ST6GAL2: variants seen among roughly 807,000 people sequenced by gnomAD.
ST6GAL2 encodes beta-galactoside alpha-2,6-sialyltransferase 2.
In ST6GAL2, 24 loss-of-function variants were observed where a neutral mutation model predicts 37.5. The ratio of observed to expected loss-of-function variants is 0.64; its 90% confidence interval spans 0.46 to 0.90. ST6GAL2 has a LOEUF of 0.90. Ranked by LOEUF, ST6GAL2 falls within the 40% of genes least tolerant of loss-of-function variation. The probability of loss-of-function intolerance (pLI) is 0.00; values close to 1 mark genes in which losing one functional copy is unlikely to be tolerated. For synonymous variants in ST6GAL2, 306 were observed against 295.1 expected (o/e 1.04, Z -0.38); for missense variants, 715 against 712.7 (o/e 1.00, Z -0.04).
At chr2:106,861,002 C>T (rs1047194898) in intron 1 of ST6GAL2, among the ~76,000 whole-genome samples, 1 of 152,206 alleles carries the variant, frequency 6.6e-6, no homozygotes, top group Non-Finnish European at 1.5e-5. Flanking sequence ...ACTTAGGAGG[C>T]ACCCCCGCCA....
chr2:106,845,323 G>C (rs1474685179), intron 1 of ST6GAL2, among the ~76,000 whole-genome samples: 1 of 152,148 alleles, frequency 6.6e-6, no homozygotes, highest in East Asian at 1.9e-4. Flanking sequence ...AGAGAGTGAA[G>C]TTCTGAGAGC....
At chr2:106,859,439 C>T (rs1448123) in intron 1 of ST6GAL2, among the ~76,000 whole-genome samples, 93,345 of 152,020 alleles carry the variant, frequency 0.61, 29,991 homozygotes, top group Non-Finnish European at 0.74. Context: ...TATGTGATAT[C>T]GCCACTTAAA....
chr2:106,805,052 G>A lies in ST6GAL2; in HGVS notation c.*1626C>T. ...ACTATTATAGCAAGCTATAGGAGAT[G>A]TCTTGTTTTCCAGCTCCATATCTGC... On this transcript the variant is annotated 3_prime_UTR_variant, in exon 6 of 6. Transcript: ENST00000409382. 1 of 152,112 alleles carries A rather than the reference G, an allele frequency of 6.6e-6. No individual in the cohort carries two copies. The highest frequency in any genetic ancestry group is 1.9e-4 in the East Asian group (1 of 5,190). 9.4% of individuals were successfully genotyped at this position (152,112 alleles called of 1,614,324 possible).
In ST6GAL2 at chr2:106,842,520, A is replaced by G. The variant is rs75554385; in HGVS notation, c.943+515T>C. 7.0e-3 allele frequency among the ~76,000 whole-genome samples: 1,071 copies of G among 152,262 alleles called. 17 individuals carry two copies. Among genetic ancestry groups the G allele is most frequent in the African/African-American group, 0.024 (1,009 of 41,560 alleles). On this transcript the variant is annotated intron_variant, in intron 2 of 5. Transcript: ENST00000409382. ...CTTCTCAGAGCTCACAGTAACCAAT[A>G]TTATCTTCATGCACCCTGCTCTTTG...
chr2:106,838,753 G>T (rs769656084), intron 2 of ST6GAL2, among the ~76,000 whole-genome samples: 1 of 152,120 alleles, frequency 6.6e-6, no homozygotes, highest in Admixed American at 6.5e-5. Context: ...AAAGCACTTT[G>T]GGTTGGGCAC....
chr2:106,828,922 C>T (rs1676306139), intron 5 of ST6GAL2, among the ~76,000 whole-genome samples: 1 of 152,080 alleles, frequency 6.6e-6, no homozygotes, highest in African/African-American at 2.4e-5. Flanking sequence ...AGGATCAAAG[C>T]TAGACTGGAA....
At chr2:106,812,004 C>A (rs73949760) in intron 5 of ST6GAL2, among the ~76,000 whole-genome samples, 15 of 152,212 alleles carry the variant, frequency 9.9e-5, no homozygotes, top group African/African-American at 3.6e-4. Flanking sequence ...ACCACTGCTA[C>A]GAACTGAATG....
intron 1 of ST6GAL2, among the ~76,000 whole-genome samples, chr2:106,881,712 G>A (rs1447347530): frequency 6.6e-6 from 1 of 152,162 alleles, no homozygotes; most frequent in Non-Finnish European, 1.5e-5. Flanking sequence ...TTTGAACATG[G>A]AAAACCAATT....
At chr2:106,825,789 G>A (rs1008672810) in intron 5 of ST6GAL2, among the ~76,000 whole-genome samples, 14 of 152,148 alleles carry the variant, frequency 9.2e-5, no homozygotes, top group African/African-American at 3.4e-4. Flanking sequence ...GGGTGGGCAG[G>A]ACCCTTGTCT....
chr2:106,811,329 T>C (rs1183983799), intron 5 of ST6GAL2, among the ~76,000 whole-genome samples: 1 of 152,194 alleles, frequency 6.6e-6, no homozygotes, highest in African/African-American at 2.4e-5. Context: ...TGTCAATGTT[T>C]GGACATACAT....
chr2:106,846,705 A>G (rs193119466), intron 1 of ST6GAL2, among the ~76,000 whole-genome samples: 1 of 152,348 alleles, frequency 6.6e-6, no homozygotes, highest in Admixed American at 6.5e-5. Context: ...TATAGATTTT[A>G]TATACAGTAA....
At chr2:106,883,322 AAAG>A (rs1354041932) in intron 1 of ST6GAL2, among the ~76,000 whole-genome samples, 1 of 152,210 alleles carries the variant, frequency 6.6e-6, no homozygotes, top group African/African-American at 2.4e-5. Flanking sequence ...TAACATTTAG[AAAG>A]AAATTTCTCA....
At chr2:106,858,752 T>A (rs1337254053) in intron 1 of ST6GAL2, among the ~76,000 whole-genome samples, 1 of 151,978 alleles carries the variant, frequency 6.6e-6, no homozygotes, top group Non-Finnish European at 1.5e-5. Context: ...CTAGGTAAGT[T>A]TGGGGATTGA....
At chr2:106,833,280 T>A (rs766320353) in intron 3 of ST6GAL2, among the ~76,000 whole-genome samples, 1 of 152,218 alleles carries the variant, frequency 6.6e-6, no homozygotes, top group Non-Finnish European at 1.5e-5. Context: ...ATATGTATTC[T>A]AATTTGGTGG....
In ST6GAL2 at chr2:106,884,904, C is replaced by CATATATATATATATAT. The variant is rs1357005171; in HGVS notation, c.-58+1188_-58+1189insATATATATATATATAT. Among the ~76,000 whole-genome samples, 65 of 41,142 alleles carry CATATATATATATATAT rather than the reference C, an allele frequency of 1.6e-3. 1 individual carries two copies. Among genetic ancestry groups the CATATATATATATATAT allele is most frequent in the African/African-American group, 0.01 (57 of 5,616 alleles). The allele number at this position is 41,142 out of a possible 152,430, so 27.0% of individuals were successfully genotyped here. On this transcript the variant is annotated intron_variant, in intron 1 of 5. Transcript: ENST00000409382. Reference sequence around the variant, plus strand: ...AAAAGTTTTAACCCTAAATTTGCAGCGCATATATATATATATATATATATA... The same window carrying CATATATATATATATAT: ...AAAAGTTTTAACCCTAAATTTGCAGCATATATATATATATATGCATATATATATATATATATATATA...
chr2:106,876,817 G>A (rs1573323236), intron 1 of ST6GAL2, among the ~76,000 whole-genome samples: 1 of 152,158 alleles, frequency 6.6e-6, no homozygotes, highest in South Asian at 2.1e-4. Context: ...AAGACAGATA[G>A]GGTAACTGCA....
At chr2:106,872,689 A>AACCTCTGC (rs3080648) in intron 1 of ST6GAL2, among the ~76,000 whole-genome samples, 4 of 151,548 alleles carry the variant, frequency 2.6e-5, no homozygotes, top group Non-Finnish European at 4.4e-5. Flanking sequence ...GGCTCACTGC[A>AACCTCTGC]CTCCCGGGTT....
At chr2:106,815,654 G>A (rs1255332692) in intron 5 of ST6GAL2, among the ~76,000 whole-genome samples, 3 of 152,190 alleles carry the variant, frequency 2.0e-5, no homozygotes, top group Non-Finnish European at 4.4e-5. Flanking sequence ...TTAGGCACAT[G>A]ATAATTCAAA....
chr2:106,874,669 A>G (rs1457186795), intron 1 of ST6GAL2, among the ~76,000 whole-genome samples: 1 of 152,142 alleles, frequency 6.6e-6, no homozygotes, highest in Non-Finnish European at 1.5e-5. Flanking sequence ...GCTTCCCCTC[A>G]ATTTTTTTCT....
Sources: allele counts gnomAD v4.1 joint callset (sites outside exome capture counted in the v4.1 genomes callset), GRCh38; gene constraint gnomAD v4.1.1; transcripts MANE v1.5; gene names NCBI Gene and HGNC (gene_info 2026-07-23, HGNC 2026-07-21).